The following CNMD variants were observed in gnomAD, a reference collection of about 807,000 sequenced individuals.
The protein encoded by CNMD is chondromodulin.
In CNMD, 30 loss-of-function variants were observed where a neutral mutation model predicts 37.5. The ratio of observed to expected loss-of-function variants is 0.80; its 90% CI spans 0.60 to 1.09. The LOEUF (loss-of-function observed/expected upper bound fraction) is 1.09, where lower values mean the gene tolerates loss of function less well. Ranked by LOEUF, CNMD falls within the 50% of genes least tolerant of loss-of-function variation. CNMD has a pLI of 0.00. For missense variants in CNMD, 398 were observed against 423.9 expected (o/e 0.94, Z 0.54); for synonymous variants, 167 against 148.2 (o/e 1.13, Z -0.92).
rs73188572 is a variant in CNMD, at chr13:52,707,847, G to C, written c.789+689C>G. ...AGGTTGGGCGCGGTGGCTCACACCT[G>C]TGATCCCAACAACATCTTGGGAGGC... On this transcript the variant is annotated intron_variant, in intron 6 of 6. Transcript: ENST00000377962. Among the ~76,000 whole-genome samples the C allele has an allele frequency of 2.2e-3, 331 of 152,090 alleles. 2 individuals are homozygous for C. The highest frequency in any genetic ancestry group is 3.6e-3 in the Non-Finnish European group (243 of 67,998).
intron 4 of CNMD, among the ~76,000 whole-genome samples, chr13:52,723,109 T>G (rs1011144093): frequency 6.6e-6 from 1 of 152,160 alleles, no homozygotes; most frequent in African/African-American, 2.4e-5. Flanking sequence ...TTTTATTTTT[T>G]GAGATAGAGT....
chr13:52,723,110 G>T (rs1964510182), intron 4 of CNMD, among the ~76,000 whole-genome samples: 1 of 147,640 alleles, frequency 6.8e-6, no homozygotes, highest in Non-Finnish European at 1.5e-5. Flanking sequence ...TTTATTTTTT[G>T]AGATAGAGTC....
At chr13:52,710,096 C>A (rs1964267979) in intron 5 of CNMD, among the ~76,000 whole-genome samples, 1 of 152,158 alleles carries the variant, frequency 6.6e-6, no homozygotes, top group South Asian at 2.1e-4. Context: ...TAATGAGAAT[C>A]TGTCTAAAGG....
intron 3 of CNMD, among the ~76,000 whole-genome samples, chr13:52,728,662 T>G (rs2138264734): frequency 6.6e-6 from 1 of 152,290 alleles, no homozygotes; most frequent in Admixed American, 6.5e-5. Context: ...TGACATTTTC[T>G]CTTAACTTCA....
chr13:52,736,016 C>T (rs1343333351), intron 2 of CNMD, among the ~76,000 whole-genome samples: 8 of 138,452 alleles, frequency 5.8e-5, no homozygotes, highest in Non-Finnish European at 1.1e-4. Context: ...TTTTTTGAGA[C>T]GGAGTCTTGC....
intron 4 of CNMD, among the ~76,000 whole-genome samples, chr13:52,722,446 A>C (rs538912991): frequency 1.3e-5 from 2 of 152,212 alleles, no homozygotes; most frequent in Non-Finnish European, 2.9e-5. Context: ...AAAGATGATC[A>C]TAATAAAATT....
intron 3 of CNMD, among the ~76,000 whole-genome samples, chr13:52,731,045 C>T (rs1964657790): frequency 6.6e-6 from 1 of 152,136 alleles, no homozygotes; most frequent in Non-Finnish European, 1.5e-5. Context: ...CGAGACTGCA[C>T]ATTCATGTTC....
intron 4 of CNMD, among the ~76,000 whole-genome samples, chr13:52,721,089 G>A (rs1009883226): frequency 1.3e-5 from 2 of 152,124 alleles, no homozygotes; most frequent in East Asian, 3.9e-4. Context: ...TGGCGGCTTT[G>A]TTTACACTGT....
At chr13:52,735,093 A>C (rs1454365089) in intron 2 of CNMD, among the ~76,000 whole-genome samples, 1 of 151,808 alleles carries the variant, frequency 6.6e-6, no homozygotes, top group African/African-American at 2.4e-5. Flanking sequence ...CACAAGAACC[A>C]CTCCTGGGGG....
Position 52,714,287 on chromosome 13 carries a change from C to T in CNMD, c.469-1418G>A, listed in dbSNP as rs1964335029. ...GCCACCGAGCCAATGCCTGCAGCCA[C>T]CTGCCTCCACATTGCTTACTGTGGA... On this transcript the variant is annotated intron_variant, in intron 4 of 6. Transcript: ENST00000377962. 6.6e-5 allele frequency among the ~76,000 whole-genome samples: 10 copies of T among 152,132 alleles called. 1 individual carries two copies. In the South Asian group the frequency reaches 2.1e-3, roughly 32 times the overall value.
chr13:52,714,072 A>C (rs1964332188), intron 4 of CNMD, among the ~76,000 whole-genome samples: 1 of 152,150 alleles, frequency 6.6e-6, no homozygotes, highest in African/African-American at 2.4e-5. Context: ...GATCCAGGCC[A>C]AAGTATGCTG....
At chr13:52,735,721 T>A (rs1017439323) in intron 2 of CNMD, among the ~76,000 whole-genome samples, 2 of 151,888 alleles carry the variant, frequency 1.3e-5, no homozygotes, top group Non-Finnish European at 2.9e-5. Context: ...TAAGAAAGTT[T>A]ACGAATTTGT....
intron 4 of CNMD, among the ~76,000 whole-genome samples, chr13:52,721,394 C>G (rs894484075): frequency 6.6e-6 from 1 of 152,188 alleles, no homozygotes; most frequent in Non-Finnish European, 1.5e-5. Flanking sequence ...AAATGGCCAC[C>G]CAGTTGAAAC....
Position 52,739,649 on chromosome 13 carries a change from A to G in CNMD, c.53T>C (p.Val18Ala). The G allele has an allele frequency of 6.2e-7, 1 of 1,614,014 alleles. No individual in the cohort carries two copies. The change falls in exon 1 of 7, where the codon GTG (valine) becomes GCG (alanine). Residue 18 changes from valine to alanine, a missense_variant. Val to Ala is a moderately conservative substitution (Grantham distance 64, BLOSUM62 0). Coordinates refer to ENST00000377962, the MANE Select transcript of CNMD (RefSeq NM_007015.3). The surrounding 1 kb of genome is among the most constrained non-coding windows in gnomAD (Gnocchi z 5.4). ...VPIALVGPDDVEFCSPPAYAT... is the reference protein window; with the variant it reads ...VPIALVGPDDAEFCSPPAYAT... Reference sequence around the variant, plus strand: ...ACTCACCGGGGGGCTGCAGAATTCCACGTCATCAGGTCCCACCAGGGCAAT... The same window carrying G: ...ACTCACCGGGGGGCTGCAGAATTCCGCGTCATCAGGTCCCACCAGGGCAAT...
chr13:52,708,771 G>A (rs1964242380), intron 5 of CNMD, 69 bp from the exon 6 acceptor site: 2 of 1,275,522 alleles, frequency 1.6e-6, no homozygotes, highest in South Asian at 1.5e-5. Flanking sequence ...TGTTTATCAG[G>A]GTGAAAAACA....
rs866501024 is a variant in CNMD, at chr13:52,724,034, A to G, written c.431T>C (p.Val144Ala). 7 of 1,614,052 alleles carry G rather than the reference A, an allele frequency of 4.3e-6. No individual in the cohort carries two copies. The African/African-American group carries it at 6.7e-5, about 15-fold the overall frequency. Residue 144 changes from valine to alanine, a missense_variant, in exon 4 of 7, where the codon GTG (valine) becomes GCG (alanine). Val to Ala is a moderately conservative substitution (Grantham distance 64). Transcript: ENST00000377962. ...KAQVKARIPE[V>A]GAVTKQSISS... ...GATGCTCTGTTTGGTCACGGCGCCC[A>G]CCTCAGGAATACGAGCCTTCACTTG...
At chr13:52,708,512 A>C (rs372433798) in intron 6 of CNMD, 24 bp downstream of exon 6, 2 of 1,600,282 alleles carry the variant, frequency 1.2e-6, no homozygotes, top group African/African-American at 2.7e-5. Flanking sequence ...TTGTCTAATC[A>C]TGTCAAAAAG....
chr13:52,731,421 G>A (rs1401069737), intron 3 of CNMD, among the ~76,000 whole-genome samples: 1 of 152,150 alleles, frequency 6.6e-6, no homozygotes, highest in Non-Finnish European at 1.5e-5. Flanking sequence ...AGGTACCATA[G>A]TGGCTGATTC....
chr13:52,732,653 T>C (rs1323294128), intron 3 of CNMD, among the ~76,000 whole-genome samples: 4 of 152,206 alleles, frequency 2.6e-5, no homozygotes, highest in Admixed American at 2.6e-4. Flanking sequence ...GTTGATGAGA[T>C]TATTAGGTCA....
Sources: allele counts gnomAD v4.1 joint callset (sites outside exome capture counted in the v4.1 genomes callset), GRCh38; gene constraint gnomAD v4.1.1; non-coding constraint Gnocchi (gnomAD v3.1); transcripts MANE v1.5; gene names NCBI Gene and HGNC (gene_info 2026-07-23, HGNC 2026-07-21).